ARHGAP26: variants seen among roughly 807,000 people sequenced by gnomAD.
ARHGAP26 encodes Rho GTPase activating protein 26, also known as rho GTPase-activating protein 26.
In ARHGAP26, 38 loss-of-function variants were observed where a neutral mutation model predicts 104.8. The observed-to-expected ratio is 0.36, with a 90% confidence interval of 0.28 to 0.48. The LOEUF is 0.48. ARHGAP26 is among the 20% of genes least tolerant of loss of function. The probability of loss-of-function intolerance (pLI) is 0.99; values close to 1 mark genes in which losing one functional copy is unlikely to be tolerated. For missense variants in ARHGAP26, 704 were observed against 947.9 expected (o/e 0.74, Z 3.38); for synonymous variants, 341 against 340.0 (o/e 1.00, Z -0.03).
chr5:143,046,225 AC>A (rs1394017685), intron 14 of ARHGAP26, among the ~76,000 whole-genome samples: 1 of 152,140 alleles, frequency 6.6e-6, no homozygotes, highest in Non-Finnish European at 1.5e-5. Context: ...AATCCCTTGA[AC>A]CCAGGAAGCG....
At chr5:142,970,214 G>C (rs545319396) in intron 11 of ARHGAP26, among the ~76,000 whole-genome samples, 15 of 152,258 alleles carry the variant, frequency 9.9e-5, no homozygotes, top group Non-Finnish European at 2.1e-4. Context: ...TAGATTACAG[G>C]AATAGAAAGA....
At chr5:142,969,764 G>T (rs1301951000) in intron 11 of ARHGAP26, among the ~76,000 whole-genome samples, 1 of 152,166 alleles carries the variant, frequency 6.6e-6, no homozygotes, top group Non-Finnish European at 1.5e-5. Context: ...TGGGTGGTCA[G>T]TGTATCACGG....
intron 12 of ARHGAP26, among the ~76,000 whole-genome samples, chr5:143,021,524 T>G (rs745328046): frequency 4.6e-5 from 7 of 152,210 alleles, no homozygotes; most frequent in African/African-American, 7.2e-5. Context: ...TTGGGTAGAT[T>G]CCGCCACGTG....
At chr5:143,165,455 C>T (rs1393388753) in intron 20 of ARHGAP26, 1 of 152,238 alleles carries the variant, frequency 6.6e-6, no homozygotes, top group East Asian at 1.9e-4. Flanking sequence ...GTAAGAACCA[C>T]TCCCTCATTC....
At chr5:143,197,847 G>A (rs1807103200) in intron 20 of ARHGAP26, among the ~76,000 whole-genome samples, 1 of 152,068 alleles carries the variant, frequency 6.6e-6, no homozygotes, top group South Asian at 2.1e-4. Flanking sequence ...TTTCCATATA[G>A]ATATCCAGTT....
intron 22 of ARHGAP26, among the ~76,000 whole-genome samples, chr5:143,215,694 C>T (rs1243633681): frequency 2.0e-5 from 3 of 152,200 alleles, no homozygotes; most frequent in South Asian, 2.1e-4. Flanking sequence ...TTGCCTGCTC[C>T]GGACATTTCA....
intron 1 of ARHGAP26, among the ~76,000 whole-genome samples, chr5:142,776,521 C>A (rs1245903903): frequency 6.6e-6 from 1 of 152,204 alleles, no homozygotes; most frequent in Non-Finnish European, 1.5e-5. Context: ...CATCTGGCTT[C>A]TTTCACTAAG....
At chr5:142,800,300 CTCTGTCTCTG>C (rs897976059) in intron 1 of ARHGAP26, among the ~76,000 whole-genome samples, 7 of 151,988 alleles carry the variant, frequency 4.6e-5, no homozygotes, top group African/African-American at 1.7e-4. Context: ...CTCCCCCTCT[CTCTGTCTCTG>C]TCTGTCTCTG....
At position 143,056,095 on chromosome 5, in the gene ARHGAP26, T is replaced by C; in HGVS notation, c.1432+9T>C. On this transcript the variant is annotated intron_variant, in intron 16 of 22. Transcript: ENST00000645722. ...TTTCATCAAAGCAGCAAGTAAGTCT[T>C]TTTTGTCTCAGTTTTAAGGGGAAGA... 6.2e-7 allele frequency: 1 copy of C among 1,611,132 alleles called. No individual in the cohort carries two copies. Among genetic ancestry groups the C allele is most frequent in the Non-Finnish European group, 8.5e-7 (1 of 1,177,740 alleles).
intron 11 of ARHGAP26, among the ~76,000 whole-genome samples, chr5:142,989,272 T>C (rs962783550): frequency 3.0e-4 from 46 of 152,222 alleles, no homozygotes; most frequent in Admixed American, 5.2e-4. Context: ...TTTTGATCTT[T>C]GTTGGTTTAA....
chr5:142,958,195 A>G (rs1769569938), intron 11 of ARHGAP26, among the ~76,000 whole-genome samples: 1 of 152,072 alleles, frequency 6.6e-6, no homozygotes, highest in Admixed American at 6.6e-5. Context: ...TTTGGCACCC[A>G]GATTGTGTTT....
intron 1 of ARHGAP26, among the ~76,000 whole-genome samples, chr5:142,790,432 T>C (rs895920196): frequency 6.6e-6 from 1 of 152,246 alleles, no homozygotes; most frequent in Non-Finnish European, 1.5e-5. Flanking sequence ...ATTGGAATCA[T>C]GACCACCTGG....
At chr5:142,956,623 A>G (rs37210) in intron 11 of ARHGAP26, among the ~76,000 whole-genome samples, 30,259 of 152,168 alleles carry the variant, frequency 0.2, 3,641 homozygotes, top group East Asian at 0.47. Context: ...ATTGTAAATC[A>G]TTCAAGACAT....
chr5:143,215,671 T>C (rs2151411778), intron 22 of ARHGAP26, among the ~76,000 whole-genome samples: 1 of 152,350 alleles, frequency 6.6e-6, no homozygotes, highest in South Asian at 2.1e-4. Flanking sequence ...TCTTCTACTT[T>C]GTCTCTCTAG....
chr5:143,085,703 G>C (rs1790499031), intron 17 of ARHGAP26, among the ~76,000 whole-genome samples: 1 of 152,186 alleles, frequency 6.6e-6, no homozygotes, highest in Non-Finnish European at 1.5e-5. Flanking sequence ...CATTGGTTCA[G>C]TTAAACCAAG....
At chr5:143,001,957 A>G (rs1337666450) in intron 11 of ARHGAP26, among the ~76,000 whole-genome samples, 3 of 152,230 alleles carry the variant, frequency 2.0e-5, no homozygotes, top group Non-Finnish European at 4.4e-5. Flanking sequence ...CTGAACTGAC[A>G]GCTGTTTGTG....
intron 11 of ARHGAP26, among the ~76,000 whole-genome samples, chr5:142,988,362 C>G (rs961567579): frequency 1.7e-4 from 26 of 152,078 alleles, no homozygotes; most frequent in African/African-American, 4.3e-4. Context: ...TTTATTGTTT[C>G]TAGTTTATTC....
intron 11 of ARHGAP26, among the ~76,000 whole-genome samples, chr5:142,999,974 C>T (rs942793895): frequency 4.4e-4 from 67 of 151,956 alleles, no homozygotes; most frequent in Non-Finnish European, 1.5e-4. Context: ...GAAGAAACGC[C>T]GGACAAAAGA....
intron 20 of ARHGAP26, among the ~76,000 whole-genome samples, chr5:143,162,088 C>T (rs1350708872): frequency 6.6e-6 from 1 of 151,902 alleles, no homozygotes; most frequent in Non-Finnish European, 1.5e-5. Flanking sequence ...TTGGTAAATC[C>T]AAAGCTGAAG....
Sources: gnomAD v4.1 joint callset for allele counts (sites outside exome capture counted in the v4.1 genomes callset) on GRCh38, gnomAD v4.1.1 for gene constraint, MANE v1.5 for transcripts, NCBI Gene and HGNC (gene_info 2026-07-23, HGNC 2026-07-21) for gene names.